BMPR1B: variants seen among roughly 807,000 people sequenced by gnomAD.
BMPR1B encodes bone morphogenetic protein receptor type-1B.
A neutral mutation model predicts 59.1 loss-of-function variants in BMPR1B; 12 were observed. That is an observed-to-expected ratio of 0.20 (90% CI 0.13 to 0.33). The LOEUF (loss-of-function observed/expected upper bound fraction) is 0.33, where lower values mean the gene tolerates loss of function less well. Among genes scored for constraint, BMPR1B ranks in the 10% least tolerant of loss-of-function variants. The probability of loss-of-function intolerance (pLI) is 1.00; values close to 1 mark genes in which losing one functional copy is unlikely to be tolerated. For missense variants in BMPR1B, 550 were observed against 610.9 expected (o/e 0.90, Z 1.05); for synonymous variants, 237 against 207.3 (o/e 1.14, Z -1.23).
intron 1 of BMPR1B, among the ~76,000 whole-genome samples, chr4:94,855,827 C>G (rs1334718895): frequency 6.6e-6 from 1 of 152,096 alleles, no homozygotes; most frequent in African/African-American, 2.4e-5. Flanking sequence ...GTGAAATAAT[C>G]AGATTTTAAC....
At chr4:94,866,609 G>A (rs994037586) in intron 1 of BMPR1B, among the ~76,000 whole-genome samples, 16 of 151,788 alleles carry the variant, frequency 1.1e-4, no homozygotes, top group South Asian at 8.4e-4. Context: ...TTTTTGAGTC[G>A]GAGTCTCGCT....
chr4:94,969,704 AGTGTTTTC>A (rs1384488720), intron 2 of BMPR1B, among the ~76,000 whole-genome samples: 14 of 152,000 alleles, frequency 9.2e-5, no homozygotes, highest in African/African-American at 3.4e-4. Context: ...TTCACTTGTG[AGTGTTTTC>A]TATTATTTGT....
At chr4:95,126,876 CAT>C (rs1732943959) in intron 8 of BMPR1B, among the ~76,000 whole-genome samples, 2 of 152,242 alleles carry the variant, frequency 1.3e-5, no homozygotes, top group African/African-American at 4.8e-5. Flanking sequence ...ATTTTAATAA[CAT>C]AATGGGCAAA....
chr4:94,844,024 C>G (rs6817662), intron 1 of BMPR1B, among the ~76,000 whole-genome samples: 93,299 of 151,984 alleles, frequency 0.61, 29,652 homozygotes, highest in African/African-American at 0.78. Flanking sequence ...GGGGGAAATG[C>G]GGAGATGTTG....
At chr4:94,958,215 C>T (rs948676946) in intron 2 of BMPR1B, among the ~76,000 whole-genome samples, 3 of 152,102 alleles carry the variant, frequency 2.0e-5, no homozygotes, top group South Asian at 2.1e-4. Context: ...CATTTCTTTC[C>T]GTTTCCTTGG....
intron 1 of BMPR1B, among the ~76,000 whole-genome samples, chr4:94,797,324 C>T (rs1723234893): frequency 6.6e-6 from 1 of 152,080 alleles, no homozygotes; most frequent in Admixed American, 6.5e-5. Context: ...AGAGCCAAAC[C>T]ATATCAATGT....
intron 3 of BMPR1B, among the ~76,000 whole-genome samples, chr4:95,028,088 A>G (rs1414225364): frequency 6.6e-6 from 1 of 152,168 alleles, no homozygotes; most frequent in Non-Finnish European, 1.5e-5. Context: ...GCATTGTGTA[A>G]GAGGGAGGCT....
chr4:94,997,238 T>A (rs1324401470), intron 3 of BMPR1B, among the ~76,000 whole-genome samples: 2 of 152,198 alleles, frequency 1.3e-5, no homozygotes, highest in African/African-American at 4.8e-5. Context: ...GGGTTTTCTG[T>A]ACTACATATT....
chr4:94,789,167 C>T (rs1305296642), intron 1 of BMPR1B, among the ~76,000 whole-genome samples: 1 of 152,104 alleles, frequency 6.6e-6, no homozygotes, highest in Admixed American at 6.5e-5. Flanking sequence ...CATCACAATC[C>T]GATTGAGAAA....
chr4:95,035,217 A>G (rs1181394031), intron 3 of BMPR1B, among the ~76,000 whole-genome samples: 1 of 152,126 alleles, frequency 6.6e-6, no homozygotes, highest in Non-Finnish European at 1.5e-5. Flanking sequence ...ATTTTCTCCC[A>G]CACTGTGGGA....
At chr4:94,811,852 G>A (rs545056107) in intron 1 of BMPR1B, among the ~76,000 whole-genome samples, 40 of 152,054 alleles carry the variant, frequency 2.6e-4, no homozygotes, top group Non-Finnish European at 4.9e-4. Flanking sequence ...CTGAAATATC[G>A]TGCCAGTATT....
chr4:94,850,402 C>G (rs1205940251), intron 1 of BMPR1B, among the ~76,000 whole-genome samples: 4 of 152,138 alleles, frequency 2.6e-5, no homozygotes, highest in Non-Finnish European at 5.9e-5. Context: ...ACTCTAGTGG[C>G]AGGTAGCGTG....
chr4:95,120,607 G>GC (rs1560669163), intron 6 of BMPR1B, among the ~76,000 whole-genome samples: 3 of 57,300 alleles, frequency 5.2e-5, no homozygotes, highest in African/African-American at 1.7e-4. Flanking sequence ...TCAATAGCCT[G>GC]CCTTTCCTTC....
At chr4:94,918,895 C>T (rs1728585597) in intron 2 of BMPR1B, among the ~76,000 whole-genome samples, 1 of 151,654 alleles carries the variant, frequency 6.6e-6, no homozygotes, top group African/African-American at 2.4e-5. Context: ...ATTCAGTGTT[C>T]CCTCCATTAT....
intron 1 of BMPR1B, among the ~76,000 whole-genome samples, chr4:94,767,821 A>T (rs1243128747): frequency 6.6e-6 from 1 of 152,068 alleles, no homozygotes; most frequent in African/African-American, 2.4e-5. Context: ...CAAATTATGT[A>T]TTTCCTGCTC....
chr4:95,140,085 G>C (rs2092241884), intron 10 of BMPR1B, among the ~76,000 whole-genome samples: 2 of 152,058 alleles, frequency 1.3e-5, no homozygotes, highest in Non-Finnish European at 2.9e-5. Flanking sequence ...GCTGTTTTTA[G>C]TCTCCGTTCT....
chr4:94,884,451 A>G (rs1727094497), intron 2 of BMPR1B, among the ~76,000 whole-genome samples: 1 of 152,068 alleles, frequency 6.6e-6, no homozygotes, highest in Non-Finnish European at 1.5e-5. Context: ...ACTTGAACTC[A>G]GGAGGCTGAG....
chr4:94,878,734 CTTTTT>C (rs542970645), intron 2 of BMPR1B, among the ~76,000 whole-genome samples: 1 of 127,322 alleles, frequency 7.9e-6, no homozygotes. Flanking sequence ...ACAGGTTCTG[CTTTTT>C]TTTTTTTTTT....
intron 1 of BMPR1B, among the ~76,000 whole-genome samples, chr4:94,834,902 T>C (rs770644653): frequency 6.6e-6 from 1 of 151,636 alleles, no homozygotes; most frequent in Non-Finnish European, 1.5e-5. Flanking sequence ...AATGAGGTTG[T>C]CATTAAAACT....
Sources: allele counts gnomAD v4.1 joint callset (sites outside exome capture counted in the v4.1 genomes callset), GRCh38; gene constraint gnomAD v4.1.1; transcripts MANE v1.5; gene names NCBI Gene and HGNC (gene_info 2026-07-23, HGNC 2026-07-21).